IGF1: variants seen among roughly 807,000 people sequenced by gnomAD.
The protein encoded by IGF1 is insulin-like growth factor 1.
In IGF1, 4 loss-of-function variants were observed where a neutral mutation model predicts 13.8. The observed-to-expected ratio is 0.29, with a 90% CI of 0.14 to 0.66. The LOEUF is 0.66. Among genes scored for constraint, IGF1 ranks in the 30% least tolerant of loss-of-function variants. IGF1 has a pLI of 0.78. For synonymous variants in IGF1, 76 were observed against 72.6 expected (o/e 1.05, Z -0.23); for missense variants, 124 against 188.5 (o/e 0.66, Z 2.00).
chr12:102,444,490 T>C (rs1878144985), intron 2 of IGF1, among the ~76,000 whole-genome samples: 1 of 152,000 alleles, frequency 6.6e-6, no homozygotes, highest in Non-Finnish European at 1.5e-5. Flanking sequence ...CCATGAGCAG[T>C]CAGTCATTGA....
chr12:102,471,169 G>A (rs571746204), intron 2 of IGF1, among the ~76,000 whole-genome samples: 1 of 152,174 alleles, frequency 6.6e-6, no homozygotes, highest in East Asian at 1.9e-4. Flanking sequence ...CTATCTCTGG[G>A]GACCAACAGA....
At chr12:102,473,789 C>A (rs745969641) in intron 2 of IGF1, among the ~76,000 whole-genome samples, 4 of 152,184 alleles carry the variant, frequency 2.6e-5, no homozygotes, top group Non-Finnish European at 4.4e-5. Flanking sequence ...TGTCCAATAT[C>A]CTTAAGTGTC....
At chr12:102,444,259 T>G (rs918714384) in intron 2 of IGF1, among the ~76,000 whole-genome samples, 2 of 152,024 alleles carry the variant, frequency 1.3e-5, no homozygotes, top group African/African-American at 4.8e-5. Flanking sequence ...TTTTTTTTTT[T>G]TCTACCTAAC....
intron 2 of IGF1, among the ~76,000 whole-genome samples, chr12:102,471,149 GT>G (rs1286951729): frequency 2.0e-5 from 3 of 152,144 alleles, no homozygotes; most frequent in Admixed American, 6.5e-5. Flanking sequence ...CTTTAACTGG[GT>G]GGAATCTCCT....
At chr12:102,477,989 C>T (rs1233471968) in intron 1 of IGF1, among the ~76,000 whole-genome samples, 16 of 123,574 alleles carry the variant, frequency 1.3e-4, no homozygotes, top group African/African-American at 4.0e-4. Flanking sequence ...AAATAGATTT[C>T]TCTTTTTCTT....
At chr12:102,444,286 G>C (rs1419780640) in intron 2 of IGF1, among the ~76,000 whole-genome samples, 2 of 151,432 alleles carry the variant, frequency 1.3e-5, no homozygotes, top group Non-Finnish European at 2.9e-5. Context: ...GTCCAGGGCA[G>C]TTCTTTTCTA....
At chr12:102,447,242 C>T (rs17886416) in intron 2 of IGF1, among the ~76,000 whole-genome samples, 26 of 152,170 alleles carry the variant, frequency 1.7e-4, no homozygotes, top group Non-Finnish European at 2.2e-4. Context: ...CTATCAGGTC[C>T]GCTTGATCCA....
rs1873406318 is a variant in IGF1, at chr12:102,398,472, C to T, written c.*4035G>A. ...GAACTTACTTATCTTTTAAATTCTT[C>T]TATTTGCCTATAAGATCTTTTTTCC... On this transcript the variant is annotated 3_prime_UTR_variant, in exon 4 of 4. Coordinates refer to ENST00000337514, the MANE Select transcript of IGF1 (RefSeq NM_000618.5). The T allele has an allele frequency of 6.6e-6, 1 of 152,192 alleles. No homozygotes were observed. The highest frequency in any genetic ancestry group is 2.1e-4 in the South Asian group (1 of 4,832). 9.4% of individuals were successfully genotyped at this position (152,192 alleles called of 1,614,324 possible). A position where few individuals can be genotyped will look rare whatever the true frequency, so the allele number is the denominator to read the frequency against.
At position 102,401,807 on chromosome 12, in the gene IGF1, C is replaced by T. The variant is rs899387807; in HGVS notation, c.*700G>A. The T allele has an allele frequency of 1.3e-5, 2 of 152,600 alleles. No individual in the cohort carries two copies. The highest frequency in any genetic ancestry group is 4.8e-5 in the African/African-American group (2 of 41,428). 9.5% of individuals were successfully genotyped at this position (152,600 alleles called of 1,614,324 possible). ...AAACATATGCCTAAAAATGATTGGCCTCAAAGTTGCAACTATTTGCATTAT... is the reference window on the plus strand; with the variant it reads ...AAACATATGCCTAAAAATGATTGGCTTCAAAGTTGCAACTATTTGCATTAT... On this transcript the variant is annotated 3_prime_UTR_variant, in exon 4 of 4. Coordinates refer to ENST00000337514, the MANE Select transcript of IGF1 (RefSeq NM_000618.5).
intron 2 of IGF1, among the ~76,000 whole-genome samples, chr12:102,437,310 G>A (rs1379321082): frequency 6.6e-6 from 1 of 152,220 alleles, no homozygotes; most frequent in East Asian, 1.9e-4. Context: ...CACCACTTGT[G>A]TGGTGAAGGC....
At chr12:102,414,568 C>T (rs989675476) in intron 3 of IGF1, among the ~76,000 whole-genome samples, 6 of 151,984 alleles carry the variant, frequency 3.9e-5, no homozygotes, top group Non-Finnish European at 7.4e-5. Context: ...ATTACAGGTG[C>T]GTGCCACCAT....
chr12:102,447,083 G>C (rs920574042), intron 2 of IGF1, among the ~76,000 whole-genome samples: 3 of 152,082 alleles, frequency 2.0e-5, no homozygotes, highest in Non-Finnish European at 4.4e-5. Context: ...CACTGTGGTT[G>C]GAGAGACTGT....
At chr12:102,472,362 A>C (rs1226745079) in intron 2 of IGF1, among the ~76,000 whole-genome samples, 1 of 144,338 alleles carries the variant, frequency 6.9e-6, no homozygotes, top group African/African-American at 2.6e-5. Flanking sequence ...TCATTGGGTC[A>C]ATCTACACAC....
chr12:102,445,409 A>T (rs1315808495), intron 2 of IGF1, among the ~76,000 whole-genome samples: 5 of 152,126 alleles, frequency 3.3e-5, no homozygotes, highest in South Asian at 2.1e-4. Context: ...CTCTCTGATT[A>T]CCTTGAGCAG....
chr12:102,436,909 A>G (rs1009181840), intron 2 of IGF1, among the ~76,000 whole-genome samples: 2 of 152,172 alleles, frequency 1.3e-5, no homozygotes, highest in Admixed American at 6.5e-5. Flanking sequence ...TTTAAATCCA[A>G]CAGTGCCCAA....
At position 102,480,543 on chromosome 12, in the gene IGF1, G is replaced by T; in HGVS notation, c.-162C>A. ...ATCTGCTCTGAATTTAGCAGTGACA[G>T]TGAGATTTAGCAAACAGAAGAGGGA... On this transcript the variant is annotated 5_prime_UTR_variant, in exon 1 of 4. In the 5' UTR this introduces an upstream ATG that the reference lacks. Coordinates refer to ENST00000337514, the MANE Select transcript of IGF1 (RefSeq NM_000618.5). The T allele has an allele frequency of 1.3e-6, 2 of 1,487,676 alleles. No individual in the cohort carries two copies. Among genetic ancestry groups the T allele is most frequent in the Non-Finnish European group, 1.8e-6 (2 of 1,120,144 alleles). The allele number at this position is 1,487,676 out of a possible 1,614,324, so 92.2% of individuals were successfully genotyped here.
In IGF1 at chr12:102,428,250, G is replaced by A. The variant is rs1357944862; in HGVS notation, c.221-8560C>T. ...ATCAATAATGTGTATATATATATATGGCATATTAATGTTTCTAGCTAATAA... is the reference window on the plus strand; with the variant it reads ...ATCAATAATGTGTATATATATATATAGCATATTAATGTTTCTAGCTAATAA... On this transcript the variant is annotated intron_variant, in intron 2 of 3. Coordinates refer to ENST00000337514, the MANE Select transcript of IGF1 (RefSeq NM_000618.5). Among the ~76,000 whole-genome samples the A allele has an allele frequency of 8.8e-4, 30 of 34,140 alleles. 1 individual carries two copies. Among genetic ancestry groups the A allele is most frequent in the Non-Finnish European group, 1.7e-3 (22 of 12,624 alleles). 22.4% of individuals were successfully genotyped at this position (34,140 alleles called of 152,430 possible). A position where few individuals can be genotyped will look rare whatever the true frequency, so the allele number is the denominator to read the frequency against.
chr12:102,456,355 A>C (rs941034718), intron 2 of IGF1, among the ~76,000 whole-genome samples: 1 of 152,086 alleles, frequency 6.6e-6, no homozygotes, highest in Non-Finnish European at 1.5e-5. Flanking sequence ...AAACGAGAAG[A>C]AAGTCTTCAT....
chr12:102,437,783 A>G (rs1039972325), intron 2 of IGF1, among the ~76,000 whole-genome samples: 2 of 152,262 alleles, frequency 1.3e-5, no homozygotes, highest in Non-Finnish European at 2.9e-5. Context: ...GAATGTTCTC[A>G]CCACAAAGAA....
Sources: gnomAD v4.1 joint callset for allele counts (sites outside exome capture counted in the v4.1 genomes callset) on GRCh38, gnomAD v4.1.1 for gene constraint, MANE v1.5 for transcripts, NCBI Gene and HGNC (gene_info 2026-07-23, HGNC 2026-07-21) for gene names.